Variants in ACAD9 observed in about 807,000 individuals in gnomAD.
ACAD9 encodes the protein acyl-CoA dehydrogenase family member 9.
ACAD9 carries 53 observed loss-of-function variants against 70.2 expected under a neutral mutation model. The ratio of observed to expected loss-of-function variants is 0.75; its 90% CI spans 0.61 to 0.95. ACAD9 has a LOEUF of 0.95. ACAD9 is among the 40% of genes least tolerant of loss of function. ACAD9 has a pLI of 0.00. For synonymous variants in ACAD9, 313 were observed against 312.1 expected (o/e 1.00, Z -0.03); for missense variants, 777 against 802.8 (o/e 0.97, Z 0.39).
intron 5 of ACAD9, among the ~76,000 whole-genome samples, chr3:128,897,392 G>T (rs1214887931): frequency 3.9e-5 from 6 of 152,138 alleles, no homozygotes; most frequent in Non-Finnish European, 7.4e-5. Flanking sequence ...ATGTTGGCCA[G>T]ATCTCAATCT....
intron 4 of ACAD9, among the ~76,000 whole-genome samples, chr3:128,896,199 T>G (rs1420209553): frequency 6.6e-6 from 1 of 152,246 alleles, no homozygotes; most frequent in Non-Finnish European, 1.5e-5. Context: ...ATGAAAGTTT[T>G]GGACACAGAC....
chr3:128,909,055 C>T lies in ACAD9; in HGVS notation c.1441C>T (p.Leu481=), dbSNP rs1257313460. The change falls in exon 14 of 18, where the codon CTG becomes TTG. Residue 481 remains leucine (L), a synonymous_variant. Transcript: ENST00000308982. Reference sequence around the variant, plus strand: ...GGACTCCCTGGGCCGAACTGTGGACCTGGGGCTGACAGGCAACCATGGAGT... The same window carrying T: ...GGACTCCCTGGGCCGAACTGTGGACTTGGGGCTGACAGGCAACCATGGAGT... ...LRDSLGRTVD[L]GLTGNHGVVH... is the part of the protein sequence containing the mutation. 1 of 1,614,002 alleles carries T rather than the reference C, an allele frequency of 6.2e-7. No individual in the cohort carries two copies. The highest frequency in any genetic ancestry group is 2.2e-5 in the East Asian group (1 of 44,894).
chr3:128,892,088 A>G (rs936455648), intron 2 of ACAD9, among the ~76,000 whole-genome samples: 5 of 152,218 alleles, frequency 3.3e-5, no homozygotes, highest in African/African-American at 1.2e-4. Flanking sequence ...TGAAGATGCA[A>G]ACTGATCTAC....
chr3:128,895,909 T>C (rs1935556358), intron 4 of ACAD9, among the ~76,000 whole-genome samples: 1 of 152,114 alleles, frequency 6.6e-6, no homozygotes, highest in African/African-American at 2.4e-5. Context: ...CATGCTCGGC[T>C]CCCCCACCCC....
At chr3:128,892,995 C>T (rs1311246838) in intron 2 of ACAD9, among the ~76,000 whole-genome samples, 1 of 152,150 alleles carries the variant, frequency 6.6e-6, no homozygotes, top group East Asian at 1.9e-4. Flanking sequence ...AAAAGCACCC[C>T]TGTGACTAGC....
chr3:128,909,126 CT>C, intron 14 of ACAD9, 27 bp downstream of exon 14: 1 of 1,613,598 alleles, frequency 6.2e-7, no homozygotes, highest in Non-Finnish European at 8.5e-7. Flanking sequence ...GGCATACCCC[CT>C]ATTTCAATGC....
intron 11 of ACAD9, 50 bp from the exon 12 acceptor site, chr3:128,906,071 C>G (rs775511403): frequency 1.9e-6 from 3 of 1,613,468 alleles, no homozygotes; most frequent in South Asian, 2.2e-5. Flanking sequence ...ACCCAGCTCC[C>G]TGCAGCGTAG....
intron 5 of ACAD9, among the ~76,000 whole-genome samples, chr3:128,896,906 C>G (rs1429368706): frequency 6.6e-6 from 1 of 152,208 alleles, no homozygotes; most frequent in Non-Finnish European, 1.5e-5. Flanking sequence ...GCTGTGTGAT[C>G]TGCTGGATGG....
rs571144935 is a variant in ACAD9 at position 128,910,613 on chromosome 3, G to C, written c.1693-128G>C. ...GGCTGGAATTAGAACCCAAGACGGGGTGACTCCTGTGCCAGGCCTTGTGAC... is the reference window on the plus strand; with the variant it reads ...GGCTGGAATTAGAACCCAAGACGGGCTGACTCCTGTGCCAGGCCTTGTGAC... On this transcript the variant is annotated intron_variant, in intron 16 of 17. Coordinates refer to ENST00000308982, the MANE Select transcript of ACAD9 (RefSeq NM_014049.5). 1.3e-5 allele frequency: 13 copies of C among 1,009,296 alleles called. No homozygotes were observed. The African/African-American group carries it at 1.9e-4, about 15-fold the overall frequency. The allele number at this position is 1,009,296 out of a possible 1,614,324, so 62.5% of individuals were successfully genotyped here. A position where few individuals can be genotyped will look rare whatever the true frequency, so the allele number is the denominator to read the frequency against.
intron 9 of ACAD9, among the ~76,000 whole-genome samples, chr3:128,903,092 A>T (rs1935788127): frequency 6.6e-6 from 1 of 151,974 alleles, no homozygotes; most frequent in South Asian, 2.1e-4. Context: ...GGGCCCCTGG[A>T]TCTTACCTTT....
At chr3:128,883,957 TG>T (rs1935170097) in intron 1 of ACAD9, among the ~76,000 whole-genome samples, 1 of 152,208 alleles carries the variant, frequency 6.6e-6, no homozygotes, top group Non-Finnish European at 1.5e-5. Context: ...AGGACATCAC[TG>T]CTCAACAGCC....
chr3:128,911,185 T>C (rs1167335550), intron 17 of ACAD9, among the ~76,000 whole-genome samples: 1 of 151,988 alleles, frequency 6.6e-6, no homozygotes, highest in Non-Finnish European at 1.5e-5. Context: ...GCCTCCCGAG[T>C]AGCTGGGATT....
intron 2 of ACAD9, among the ~76,000 whole-genome samples, chr3:128,890,468 C>T (rs71331617): frequency 0.39 from 59,244 of 151,818 alleles, 13,244 homozygotes; most frequent in African/African-American, 0.61. Context: ...TTTGGGCGGC[C>T]GAGATGGGCG....
In ACAD9 at chr3:128,912,905, T is replaced by C. The variant is rs1255286839; in HGVS notation, c.*298T>C. The C allele has an allele frequency of 5.3e-6, 3 of 566,948 alleles. No individual in the cohort carries two copies. The Admixed American group carries it at 5.8e-5, about 11-fold the overall frequency. 35.1% of individuals were successfully genotyped at this position (566,948 alleles called of 1,614,324 possible). A position where few individuals can be genotyped will look rare whatever the true frequency, so the allele number is the denominator to read the frequency against. ...ATTGAGGAGACACCATAGTGGAAACTGGGGCTTATGCTGCTGCCTCCAGGG... is the reference window on the plus strand; with the variant it reads ...ATTGAGGAGACACCATAGTGGAAACCGGGGCTTATGCTGCTGCCTCCAGGG... On this transcript the variant is annotated 3_prime_UTR_variant, in exon 18 of 18. Transcript: ENST00000308982.
chr3:128,909,163 G>A, intron 14 of ACAD9, 64 bp downstream of exon 14: 1 of 1,609,130 alleles, frequency 6.2e-7, no homozygotes, highest in Non-Finnish European at 8.5e-7. Context: ...CCTTGTGGCA[G>A]AAAAGATCTC....
intron 6 of ACAD9, chr3:128,898,488 C>CAGTGGCACGATCT (rs200124262): frequency 2.5e-5 from 11 of 442,076 alleles, no homozygotes; most frequent in South Asian, 9.7e-5. Context: ...TCACTGCAGC[C>CAGTGGCACGATCT]TCAACTTCCT....
At chr3:128,896,380 C>T (rs1362564896) in intron 4 of ACAD9, 56 bp from the exon 5 acceptor site, 1 of 1,528,914 alleles carries the variant, frequency 6.5e-7, no homozygotes, top group African/African-American at 1.4e-5. Flanking sequence ...TTCACAAACA[C>T]CTCATGCTCT....
chr3:128,893,149 C>A (rs1935470290), intron 2 of ACAD9, among the ~76,000 whole-genome samples: 2 of 150,818 alleles, frequency 1.3e-5, no homozygotes, highest in Non-Finnish European at 2.9e-5. Context: ...AGTTCAAGAC[C>A]AGCCTGGGTA....
chr3:128,895,540 TC>T, intron 4 of ACAD9, 124 bp downstream of exon 4: 1 of 860,944 alleles, frequency 1.2e-6, no homozygotes, highest in Admixed American at 2.0e-5. Flanking sequence ...GCCCTGCCCT[TC>T]AGTTCCCTCA....
Sources: gnomAD v4.1 joint callset for allele counts (sites outside exome capture counted in the v4.1 genomes callset) on GRCh38, gnomAD v4.1.1 for gene constraint, MANE v1.5 for transcripts, NCBI Gene and HGNC (gene_info 2026-07-23, HGNC 2026-07-21) for gene names.